Variants in TNRC6C observed in about 807,000 individuals in gnomAD.
TNRC6C encodes the protein trinucleotide repeat containing adaptor 6C, also known as trinucleotide repeat-containing gene 6C protein.
A neutral mutation model predicts 153.7 loss-of-function variants in TNRC6C; 20 were observed. That is an observed-to-expected ratio of 0.13 (90% CI 0.09 to 0.19). The LOEUF is 0.19. Ranked by LOEUF, TNRC6C falls within the 10% of genes least tolerant of loss-of-function variation. TNRC6C has a pLI of 1.00. For missense variants in TNRC6C, 1,987 were observed against 2,172.0 expected, an observed-to-expected ratio of 0.91 and a Z score of 1.69; for synonymous variants, 811 against 841.4, an observed-to-expected ratio of 0.96 and a Z score of 0.63.
At position 78,049,752 on chromosome 17, in the gene TNRC6C, A is replaced by G. The variant is rs1254273366; in HGVS notation, c.690A>G (p.Gly230=). The change falls in exon 3 of 20, where the codon GGA becomes GGG. Residue 230 remains glycine, a synonymous_variant. Transcript: ENST00000301624. The surrounding 1 kb of genome is among the most constrained non-coding windows in gnomAD (Gnocchi z 4.1). ...TGCAAGGCCTTCCTGGTGCTAATGG[A>G]TCATCAGTTTCTCAAGTCAGTGGGG... The G allele has an allele frequency of 1.9e-6, 3 of 1,590,046 alleles. No individual in the cohort carries two copies. The East Asian group carries it at 6.7e-5, about 36-fold the overall frequency.
rs2072480168 is a variant in TNRC6C at position 78,049,637 on chromosome 17, C to T, written c.575C>T (p.Ser192Phe). The T allele has an allele frequency of 6.2e-7, 1 of 1,613,880 alleles. No individual in the cohort carries two copies. The highest frequency in any genetic ancestry group is 1.1e-5 in the South Asian group (1 of 91,080). ...CCAAATAACACTAACCCCATGAACT[C>T]TTCACCCAACCCTATCAATGCAATG... The change falls in exon 3 of 20, where the codon TCT becomes TTT. Residue 192 changes from serine to phenylalanine, a missense_variant. This residue lies in a region of TNRC6C where 1,052 missense variants were observed against 1,017.0 expected (regional missense o/e 1.03). Coordinates refer to ENST00000301624, the Ensembl canonical transcript of TNRC6C. The surrounding 1 kb of genome is among the most constrained non-coding windows in gnomAD (Gnocchi z 4.1).
intron 2 of TNRC6C, among the ~76,000 whole-genome samples, chr17:78,033,871 T>C (rs2072124036): frequency 6.6e-6 from 1 of 152,182 alleles, no homozygotes; most frequent in Admixed American, 6.5e-5. Flanking sequence ...CTCAGTAGTC[T>C]CTGGTATCAC....
At chr17:78,086,244 T>G (rs1364111216) in intron 11 of TNRC6C, among the ~76,000 whole-genome samples, 4 of 145,338 alleles carry the variant, frequency 2.8e-5, no homozygotes, top group Non-Finnish European at 5.9e-5. Flanking sequence ...GCAGGAGAAT[T>G]GCTTGAACCC....
intron 12 of TNRC6C, 85 bp downstream of exon 14, chr17:78,086,671 C>A: frequency 1.3e-6 from 2 of 1,552,414 alleles, no homozygotes; most frequent in South Asian, 2.3e-5. Context: ...ATTAGATGAT[C>A]ATTGATTTTT....
exon 20 of TNRC6C, chr17:78,105,741 A>G (rs2073683005): frequency 6.6e-6 from 1 of 152,110 alleles, no homozygotes; most frequent in African/African-American, 2.4e-5. Flanking sequence ...TTTCCCTTGT[A>G]TTCAGTATAC....
At chr17:78,001,320 G>T (rs111319682), upstream of TNRC6C, among the ~76,000 whole-genome samples, 4,248 of 152,276 alleles carry the variant, frequency 0.028, 181 homozygotes, top group African/African-American at 0.097. Context: ...GGGCCCAGCA[G>T]TTGAGCCCAT....
intron 1 of TNRC6C, among the ~76,000 whole-genome samples, chr17:77,993,681 T>C (rs892340654): frequency 6.6e-6 from 1 of 152,110 alleles, no homozygotes; most frequent in African/African-American, 2.4e-5. Flanking sequence ...TTTTGCAGGG[T>C]GTGGGCAGCA....
At chr17:77,961,156 A>C (rs965656878) in intron 1 of TNRC6C, among the ~76,000 whole-genome samples, 73 of 144,438 alleles carry the variant, frequency 5.1e-4, no homozygotes, top group South Asian at 1.5e-3. Context: ...CCTCGGTTTT[A>C]CTTTTTTTTT....
At chr17:78,083,232 GA>G in intron 11 of TNRC6C, 66 bp downstream of exon 13, 1 of 1,599,196 alleles carries the variant, frequency 6.3e-7, no homozygotes, top group Non-Finnish European at 8.5e-7. Flanking sequence ...CACCTGCTGA[GA>G]GCAGCAGTTG....
intron 1 of TNRC6C, among the ~76,000 whole-genome samples, chr17:77,967,909 A>G (rs995853298): frequency 6.6e-6 from 1 of 152,198 alleles, no homozygotes; most frequent in Non-Finnish European, 1.5e-5. Flanking sequence ...AAATAAGAGG[A>G]TTTTTAAAAA....
At position 78,011,653 on chromosome 17, in the gene TNRC6C, A is replaced by G. The variant is rs549681792; in HGVS notation, c.-546+6574A>G. Among the ~76,000 whole-genome samples the G allele has an allele frequency of 9.4e-4, 143 of 152,358 alleles. 1 individual carries two copies. Among genetic ancestry groups the G allele is most frequent in the African/African-American group, 3.2e-3 (135 of 41,590 alleles). On this transcript the variant is annotated intron_variant, in intron 1 of 19. Transcript: ENST00000301624. ...AAAGCTTCTTTTAACATTTATGTAC[A>G]AGTCTTATATGGCTATATACTTTCA...
chr17:77,996,408 A>G (rs1386657928), intron 1 of TNRC6C, among the ~76,000 whole-genome samples: 1 of 152,222 alleles, frequency 6.6e-6, no homozygotes, highest in Non-Finnish European at 1.5e-5. Flanking sequence ...CGTGCAGCCT[A>G]GAGAATCCAG....
intron 4 of TNRC6C, chr17:78,066,339 G>GTGGTTTTTTT (rs951912446): frequency 1.3e-5 from 2 of 151,644 alleles, no homozygotes; most frequent in Non-Finnish European, 2.9e-5. Flanking sequence ...TTTGTACTTT[G>GTGGTTTTTTT]TGGTTTTTTT....
intron 2 of TNRC6C, among the ~76,000 whole-genome samples, chr17:78,039,502 T>G (rs1354964480): frequency 1.3e-5 from 2 of 152,184 alleles, no homozygotes. Flanking sequence ...CAAAAATAAG[T>G]CCTAGATGCT....
At chr17:77,980,156 A>G (rs1293391798) in intron 1 of TNRC6C, among the ~76,000 whole-genome samples, 1 of 152,258 alleles carries the variant, frequency 6.6e-6, no homozygotes, top group Non-Finnish European at 1.5e-5. Flanking sequence ...AGATAGACGA[A>G]TACATCTAAA....
At chr17:78,041,232 G>A (rs766954836) in intron 2 of TNRC6C, 10 of 152,264 alleles carry the variant, frequency 6.6e-5, no homozygotes, top group Non-Finnish European at 1.2e-4. Context: ...CGTGTGAGTG[G>A]TAGCCCGGCG....
chr17:78,049,972 G>T lies in TNRC6C; in HGVS notation c.910G>T (p.Ala304Ser). The change falls in exon 3 of 20, where the codon GCT becomes TCT. Residue 304 changes from alanine to serine, a missense_variant. Around this residue, in one of 4 missense-constraint regions of TNRC6C, gnomAD observed 1,052 missense variants for 1,017.0 expected, o/e 1.03. Transcript: ENST00000301624. This position sits in a 1 kb window ranked among gnomAD's most constrained non-coding sequence, Gnocchi z 4.1. ...AAATGCTTGGGATTCAGGACCTCCT[G>T]CTGGTCCTGGAATACTCGCCTGGGG... 1 of 1,614,050 alleles carries T rather than the reference G, an allele frequency of 6.2e-7. No individual in the cohort carries two copies.
At chr17:78,098,488 C>T in exon 17 of TNRC6C, 1 of 1,613,940 alleles carries the variant, frequency 6.2e-7, no homozygotes, top group Non-Finnish European at 8.5e-7. Context: ...CCAAGCCCTC[C>T]TCCACCTGGG....
At chr17:78,038,611 G>A (rs139433944) in intron 2 of TNRC6C, among the ~76,000 whole-genome samples, 3,925 of 151,178 alleles carry the variant, frequency 0.026, 180 homozygotes, top group African/African-American at 0.09. Context: ...CCCGGGAGGC[G>A]GAGCTTGCAG....
Sources: allele counts gnomAD v4.1 joint callset (sites outside exome capture counted in the v4.1 genomes callset), GRCh38; gene constraint gnomAD v4.1.1; regional missense constraint gnomAD v4.1.1; non-coding constraint Gnocchi (gnomAD v3.1); transcripts MANE v1.5; gene names NCBI Gene and HGNC (gene_info 2026-07-23, HGNC 2026-07-21).